RPS6KC1: variants seen among roughly 807,000 people sequenced by gnomAD.
RPS6KC1 encodes ribosomal protein S6 kinase C1.
Under a neutral mutation model 103.8 loss-of-function variants are expected in RPS6KC1, and 54 were observed. The ratio of observed to expected loss-of-function variants is 0.52; its 90% CI spans 0.42 to 0.65. RPS6KC1 has a LOEUF of 0.65. RPS6KC1 is among the 30% of genes least tolerant of loss of function. The probability of loss-of-function intolerance (pLI) is 0.00; values close to 1 mark genes in which losing one functional copy is unlikely to be tolerated. For missense variants in RPS6KC1, 1,151 were observed against 1,253.8 expected (o/e 0.92, Z 1.24); for synonymous variants, 439 against 438.7 (o/e 1.00, Z -0.01).
At chr1:213,136,949 C>T (rs989570370) in intron 6 of RPS6KC1, among the ~76,000 whole-genome samples, 2 of 152,194 alleles carry the variant, frequency 1.3e-5, no homozygotes, top group Admixed American at 6.5e-5. Context: ...CTGCCTCAGC[C>T]TCCCAAAAAG....
At chr1:213,461,172 C>G in the RPS6KC1 span, among the ~76,000 whole-genome samples, 18 of 152,264 alleles carry the variant, frequency 1.2e-4, no homozygotes, top group Admixed American at 5.9e-4. Flanking sequence ...TGAGTAAACT[C>G]CCATTCACAA....
intron 4 of RPS6KC1, among the ~76,000 whole-genome samples, chr1:213,117,115 T>C (rs1374181583): frequency 6.6e-6 from 1 of 152,218 alleles, no homozygotes. Context: ...CCATTAAATA[T>C]CTTGGGTTGG....
intron 14 of RPS6KC1, among the ~76,000 whole-genome samples, chr1:213,266,113 G>A (rs982550277): frequency 3.3e-5 from 5 of 152,124 alleles, no homozygotes; most frequent in Admixed American, 2.0e-4. Context: ...GGACAGTGAC[G>A]AACATTCATG....
At chr1:213,751,744 G>C in the RPS6KC1 span, among the ~76,000 whole-genome samples, 1 of 152,160 alleles carries the variant, frequency 6.6e-6, no homozygotes. Flanking sequence ...CTTTATAAAA[G>C]ATATGAAGAC....
the RPS6KC1 span, among the ~76,000 whole-genome samples, chr1:213,546,622 G>T: frequency 6.6e-6 from 1 of 152,046 alleles, no homozygotes; most frequent in African/African-American, 2.4e-5. Context: ...TATATGTTAG[G>T]ATTTTGGCAG....
chr1:213,227,557 C>G (rs1378086015), intron 8 of RPS6KC1, among the ~76,000 whole-genome samples: 1 of 152,182 alleles, frequency 6.6e-6, no homozygotes, highest in Non-Finnish European at 1.5e-5. Flanking sequence ...AATCTGCTTC[C>G]AAGCTCATTC....
At chr1:213,058,683 A>G (rs1033389354) in intron 1 of RPS6KC1, among the ~76,000 whole-genome samples, 7 of 152,186 alleles carry the variant, frequency 4.6e-5, no homozygotes, top group Admixed American at 2.0e-4. Context: ...TCTTAAAATT[A>G]GGCAATATTG....
At chr1:213,688,609 C>A in the RPS6KC1 span, among the ~76,000 whole-genome samples, 1 of 152,198 alleles carries the variant, frequency 6.6e-6, no homozygotes, top group Non-Finnish European at 1.5e-5. Context: ...TGTGATAATG[C>A]CCTCTTCCTG....
chr1:213,412,498 T>G, the RPS6KC1 span, among the ~76,000 whole-genome samples: 11 of 152,364 alleles, frequency 7.2e-5, no homozygotes, highest in South Asian at 2.3e-3. Context: ...TTCTGTATGT[T>G]TCCTGCTTAG....
At chr1:213,522,647 C>T in the RPS6KC1 span, among the ~76,000 whole-genome samples, 1 of 152,212 alleles carries the variant, frequency 6.6e-6, no homozygotes. Context: ...GGATAACTTG[C>T]CACAGCTTCT....
chr1:213,511,163 T>C, the RPS6KC1 span, among the ~76,000 whole-genome samples: 1 of 148,224 alleles, frequency 6.7e-6, no homozygotes, highest in Non-Finnish European at 1.5e-5. Flanking sequence ...TTACGAATTT[T>C]AAAATGTTGA....
chr1:213,424,058 C>T, the RPS6KC1 span, among the ~76,000 whole-genome samples: 4 of 152,106 alleles, frequency 2.6e-5, no homozygotes, highest in South Asian at 2.1e-4. Context: ...AAAGATGGTC[C>T]GGGATTGTTC....
the RPS6KC1 span, among the ~76,000 whole-genome samples, chr1:213,684,437 C>T: frequency 6.6e-6 from 1 of 152,206 alleles, no homozygotes; most frequent in Non-Finnish European, 1.5e-5. Context: ...CCACCAGTCA[C>T]TGTGTCCCCA....
At chr1:213,125,832 A>G (rs1306817313) in intron 5 of RPS6KC1, 1 of 152,090 alleles carries the variant, frequency 6.6e-6, no homozygotes, top group Non-Finnish European at 1.5e-5. Context: ...CTAATAAAAT[A>G]TGATTTGAAA....
At chr1:213,420,436 T>G in the RPS6KC1 span, among the ~76,000 whole-genome samples, 6 of 152,170 alleles carry the variant, frequency 3.9e-5, no homozygotes, top group Admixed American at 2.6e-4. Context: ...AACTCTACAC[T>G]GTGAAACAGC....
chr1:213,670,116 G>T, the RPS6KC1 span, among the ~76,000 whole-genome samples: 2 of 152,178 alleles, frequency 1.3e-5, no homozygotes, highest in Non-Finnish European at 2.9e-5. Context: ...CATCCTACAG[G>T]GGGCATTGAA....
chr1:213,629,243 C>G, the RPS6KC1 span, among the ~76,000 whole-genome samples: 2 of 151,986 alleles, frequency 1.3e-5, no homozygotes, highest in African/African-American at 2.4e-5. Context: ...TCTCTAAGGA[C>G]TTGCTTTATG....
chr1:213,431,419 C>T, the RPS6KC1 span, among the ~76,000 whole-genome samples: 1 of 152,022 alleles, frequency 6.6e-6, no homozygotes, highest in South Asian at 2.1e-4. Context: ...GAGGCAGAAA[C>T]TTAGTGGCTG....
At chr1:213,719,580 CA>C in the RPS6KC1 span, among the ~76,000 whole-genome samples, 335 of 151,996 alleles carry the variant, frequency 2.2e-3, 2 homozygotes, top group Non-Finnish European at 3.8e-3. Context: ...ATCTCTTGAA[CA>C]TGAAGAGGCA....
Sources: allele counts gnomAD v4.1 joint callset (sites outside exome capture counted in the v4.1 genomes callset), GRCh38; gene constraint gnomAD v4.1.1; transcripts MANE v1.5; gene names NCBI Gene and HGNC (gene_info 2026-07-23, HGNC 2026-07-21).